TBC1D22A: variants seen among roughly 807,000 people sequenced by gnomAD.
TBC1D22A encodes the protein putative GTPase activator.
TBC1D22A carries 38 observed loss-of-function variants against 60.2 expected under a neutral mutation model. The observed-to-expected ratio is 0.63, with a 90% CI of 0.49 to 0.83. TBC1D22A has a LOEUF of 0.83. Among genes scored for constraint, TBC1D22A ranks in the 40% least tolerant of loss-of-function variants. The probability of loss-of-function intolerance (pLI) is 0.00; values close to 1 mark genes in which losing one functional copy is unlikely to be tolerated. For synonymous variants in TBC1D22A, 302 were observed against 281.7 expected (o/e 1.07, Z -0.72); for missense variants, 628 against 701.0 (o/e 0.90, Z 1.18).
intron 8 of TBC1D22A, among the ~76,000 whole-genome samples, chr22:46,957,964 A>T (rs1440121698): frequency 6.6e-6 from 1 of 151,088 alleles, no homozygotes; most frequent in East Asian, 2.0e-4. Context: ...AGCCCCCTGA[A>T]CTGGTGATGG....
intron 4 of TBC1D22A, among the ~76,000 whole-genome samples, chr22:46,864,305 T>A (rs1221957763): frequency 6.6e-6 from 1 of 152,204 alleles, no homozygotes; most frequent in Non-Finnish European, 1.5e-5. Flanking sequence ...CTCATGGTCC[T>A]GTAGTGGAAG....
chr22:46,812,329 C>T (rs139576), intron 4 of TBC1D22A, among the ~76,000 whole-genome samples: 1 of 152,050 alleles, frequency 6.6e-6, no homozygotes, highest in African/African-American at 2.4e-5. Context: ...TTCTCTGCAC[C>T]CCCTGTGGGC....
intron 12 of TBC1D22A, among the ~76,000 whole-genome samples, chr22:47,120,650 T>C (rs2066238891): frequency 1.3e-5 from 2 of 152,184 alleles, no homozygotes; most frequent in Non-Finnish European, 2.9e-5. Flanking sequence ...TCAGGACCCC[T>C]GAACCCAAGC....
At chr22:47,139,809 G>A (rs1327014395) in intron 12 of TBC1D22A, among the ~76,000 whole-genome samples, 4 of 152,212 alleles carry the variant, frequency 2.6e-5, no homozygotes, top group Admixed American at 6.5e-5. Flanking sequence ...CTGCCTCACC[G>A]CCCTGCTTAT....
chr22:47,045,313 C>T (rs774333495), intron 11 of TBC1D22A, among the ~76,000 whole-genome samples: 1 of 152,148 alleles, frequency 6.6e-6, no homozygotes, highest in African/African-American at 2.4e-5. Context: ...TGCGCTCCTC[C>T]GCGGTTTGGA....
At chr22:46,956,002 T>G (rs983948916) in intron 8 of TBC1D22A, among the ~76,000 whole-genome samples, 2 of 152,206 alleles carry the variant, frequency 1.3e-5, no homozygotes, top group African/African-American at 4.8e-5. Context: ...TGTGTCGCCC[T>G]AAACATGATT....
In TBC1D22A at chr22:47,120,257, C is replaced by G. The variant is rs561882696; in HGVS notation, c.1425+8654C>G. Among the ~76,000 whole-genome samples, 14 of 152,146 alleles carry G rather than the reference C, an allele frequency of 9.2e-5. 1 individual carries two copies. Among genetic ancestry groups the G allele is most frequent in the Admixed American group, 9.2e-4 (14 of 15,282 alleles). On this transcript the variant is annotated intron_variant, in intron 12 of 12. Coordinates refer to ENST00000337137, the MANE Select transcript of TBC1D22A (RefSeq NM_014346.5). ...CCCTTAAGTAGAACTAAAATTAATA[C>G]TTTATTAACATGCTAAGAACATTTT...
intron 11 of TBC1D22A, among the ~76,000 whole-genome samples, chr22:47,067,629 G>T (rs866792389): frequency 2.0e-5 from 3 of 152,234 alleles, no homozygotes; most frequent in Admixed American, 1.3e-4. Flanking sequence ...GTTGTTTCGG[G>T]TTCATCATGG....
At chr22:47,035,595 C>T (rs1410431080) in intron 10 of TBC1D22A, among the ~76,000 whole-genome samples, 1 of 152,228 alleles carries the variant, frequency 6.6e-6, no homozygotes, top group Non-Finnish European at 1.5e-5. Flanking sequence ...AGCCCCGCCC[C>T]AGCACGTTTG....
chr22:47,154,536 C>T (rs957677937), intron 12 of TBC1D22A, among the ~76,000 whole-genome samples: 1 of 152,314 alleles, frequency 6.6e-6, no homozygotes, highest in African/African-American at 2.4e-5. Flanking sequence ...CCATCCCAGC[C>T]CCAAACCCGA....
chr22:47,047,543 C>CGG (rs1438874800), intron 11 of TBC1D22A, among the ~76,000 whole-genome samples: 11 of 152,212 alleles, frequency 7.2e-5, no homozygotes, highest in African/African-American at 2.7e-4. Flanking sequence ...GGAGAGGACC[C>CGG]AGAGAGGAGT....
At chr22:46,873,670 A>G (rs950286977) in intron 4 of TBC1D22A, among the ~76,000 whole-genome samples, 7 of 152,094 alleles carry the variant, frequency 4.6e-5, no homozygotes, top group African/African-American at 1.4e-4. Flanking sequence ...CCCTCATCCC[A>G]TCCTCTGCCC....
chr22:46,917,523 G>A (rs2070451384), intron 8 of TBC1D22A, among the ~76,000 whole-genome samples: 1 of 152,186 alleles, frequency 6.6e-6, no homozygotes, highest in South Asian at 2.1e-4. Context: ...GAGGGGTGTG[G>A]TGCCGTTTAC....
At chr22:47,167,219 A>G (rs565233855) in intron 12 of TBC1D22A, among the ~76,000 whole-genome samples, 2 of 152,340 alleles carry the variant, frequency 1.3e-5, no homozygotes, top group African/African-American at 2.4e-5. Flanking sequence ...GGTAACACCC[A>G]GGTAACACCC....
chr22:46,887,046 G>T (rs899314982), intron 5 of TBC1D22A, among the ~76,000 whole-genome samples: 3 of 152,188 alleles, frequency 2.0e-5, no homozygotes, highest in Non-Finnish European at 4.4e-5. Context: ...CATCAAAGAC[G>T]TCATTAATAG....
chr22:46,979,301 C>A (rs2074421539), intron 9 of TBC1D22A, among the ~76,000 whole-genome samples: 1 of 152,222 alleles, frequency 6.6e-6, no homozygotes, highest in Non-Finnish European at 1.5e-5. Flanking sequence ...TTTAAAAGCT[C>A]AGATATTATC....
chr22:47,082,954 A>G (rs2064529786), intron 11 of TBC1D22A, among the ~76,000 whole-genome samples: 1 of 152,256 alleles, frequency 6.6e-6, no homozygotes, highest in Non-Finnish European at 1.5e-5. Flanking sequence ...GAAACAATGC[A>G]AATATATGTC....
In TBC1D22A at chr22:46,879,508, T is replaced by G. The variant is rs74281924; in HGVS notation, c.708+785T>G. On this transcript the variant is annotated intron_variant, in intron 5 of 12. Transcript: ENST00000337137. ...TCTGACTTTTAGTATTTAAGACTCT[T>G]TCTGGCTAATGAGCCTTAATAAGTT... Among the ~76,000 whole-genome samples the G allele has an allele frequency of 1.8e-4, 28 of 152,376 alleles. No homozygotes were observed. The East Asian group carries it at 4.4e-3, about 24-fold the overall frequency.
At chr22:46,968,824 T>G (rs898086348) in intron 8 of TBC1D22A, among the ~76,000 whole-genome samples, 1 of 152,180 alleles carries the variant, frequency 6.6e-6, no homozygotes, top group Non-Finnish European at 1.5e-5. Context: ...TATTGCAGAG[T>G]AGCAATTATG....
Sources: gnomAD v4.1 joint callset for allele counts (sites outside exome capture counted in the v4.1 genomes callset) on GRCh38, gnomAD v4.1.1 for gene constraint, MANE v1.5 for transcripts, NCBI Gene and HGNC (gene_info 2026-07-23, HGNC 2026-07-21) for gene names.